Variants in EPB41L3 observed in about 807,000 individuals in gnomAD.
EPB41L3 encodes the protein band 4.1-like protein 3.
EPB41L3 carries 57 observed loss-of-function variants against 127.1 expected under a neutral mutation model. That is an observed-to-expected ratio of 0.45 (90% CI 0.36 to 0.56). EPB41L3 has a LOEUF of 0.56. Ranked by LOEUF, EPB41L3 falls within the 20% of genes least tolerant of loss-of-function variation. EPB41L3 has a pLI of 0.00. For synonymous variants in EPB41L3, 572 were observed against 549.5 expected, an observed-to-expected ratio of 1.04 and a Z score of -0.57; for missense variants, 1,273 against 1,372.2, an observed-to-expected ratio of 0.93 and a Z score of 1.14.
intron 16 of EPB41L3, chr18:5,398,624 G>A (rs1359776340): frequency 5.0e-6 from 2 of 402,014 alleles, no homozygotes; most frequent in Admixed American, 4.3e-5. Context: ...ATTGCAAACT[G>A]TGGCCCCAAT....
chr18:5,470,855 T>TA (rs1158349785), intron 3 of EPB41L3, among the ~76,000 whole-genome samples: 2 of 152,172 alleles, frequency 1.3e-5, no homozygotes, highest in Non-Finnish European at 2.9e-5. Context: ...GGGCACCAGA[T>TA]AAACCTGTGC....
chr18:5,568,894 A>G (rs2094242523), intron 3 of EPB41L3, among the ~76,000 whole-genome samples: 1 of 152,220 alleles, frequency 6.6e-6, no homozygotes, highest in African/African-American at 2.4e-5. Flanking sequence ...AAAAAGCTCA[A>G]GCTGAATAAT....
At position 5,481,518 on chromosome 18, in the gene EPB41L3, G is replaced by A. The variant is rs77291283; in HGVS notation, c.184-3080C>T. On this transcript the variant is annotated intron_variant, in intron 2 of 22. Transcript: ENST00000341928. ...CCAACCAGCTTTCCCACCTTCCTGG[G>A]ATTCCCTGCAGGAGACCTGCCCTTG... 7.0e-3 allele frequency among the ~76,000 whole-genome samples: 1,062 copies of A among 152,326 alleles called. 5 individuals are homozygous for A. The highest frequency in any genetic ancestry group is 0.012 in the Non-Finnish European group (811 of 68,042).
At chr18:5,462,404 T>C (rs2084175398) in intron 3 of EPB41L3, among the ~76,000 whole-genome samples, 1 of 152,240 alleles carries the variant, frequency 6.6e-6, no homozygotes, top group African/African-American at 2.4e-5. Flanking sequence ...CAATTATTTC[T>C]CCACAATGGT....
chr18:5,623,979 G>T (rs1226262938), intron 1 of EPB41L3, among the ~76,000 whole-genome samples: 1 of 151,998 alleles, frequency 6.6e-6, no homozygotes, highest in Non-Finnish European at 1.5e-5. Context: ...GAGACCATAA[G>T]AAATTGAATC....
At chr18:5,594,801 A>G (rs1282571795) in intron 3 of EPB41L3, among the ~76,000 whole-genome samples, 1 of 152,200 alleles carries the variant, frequency 6.6e-6, no homozygotes, top group Non-Finnish European at 1.5e-5. Context: ...ACACAGCCCT[A>G]TTTCTTCTGG....
chr18:5,405,521 T>C (rs965623213), intron 16 of EPB41L3, among the ~76,000 whole-genome samples: 3 of 151,956 alleles, frequency 2.0e-5, no homozygotes, highest in Non-Finnish European at 4.4e-5. Context: ...TCAGAGTCTT[T>C]GGTTGTACAT....
chr18:5,457,734 G>A (rs2083332322), intron 3 of EPB41L3, among the ~76,000 whole-genome samples: 1 of 152,050 alleles, frequency 6.6e-6, no homozygotes. Context: ...CTCGCTCCCT[G>A]TGAGGCTCTC....
intron 3 of EPB41L3, among the ~76,000 whole-genome samples, chr18:5,470,620 G>T (rs2085946693): frequency 6.6e-6 from 1 of 152,224 alleles, no homozygotes. Flanking sequence ...ATGTGAGATT[G>T]CCTCTGCCAT....
At position 5,449,511 on chromosome 18, in the gene EPB41L3, CA is replaced by C. The variant is rs374420990; in HGVS notation, c.382-4268del. On this transcript the variant is annotated intron_variant, in intron 3 of 22. Transcript: ENST00000341928. ...AATGAGTTGAAAACGTATGTCCACT[CA>C]AAAACTTGCACACAAATGTTTATAA... Among the ~76,000 whole-genome samples the C allele has an allele frequency of 1.9e-3, 282 of 152,258 alleles. 2 individuals carry two copies. The highest frequency in any genetic ancestry group is 6.5e-3 in the African/African-American group (270 of 41,548).
intron 1 of EPB41L3, among the ~76,000 whole-genome samples, chr18:5,538,369 G>T (rs912990068): frequency 1.3e-5 from 2 of 152,146 alleles, no homozygotes; most frequent in Non-Finnish European, 2.9e-5. Flanking sequence ...TCCAATTTTT[G>T]ATGCATATTC....
chr18:5,435,386 G>A (rs1360546405), intron 6 of EPB41L3, among the ~76,000 whole-genome samples: 4 of 152,082 alleles, frequency 2.6e-5, no homozygotes, highest in African/African-American at 7.2e-5. Context: ...TCCTGCACGC[G>A]CCATTCATGG....
intron 3 of EPB41L3, among the ~76,000 whole-genome samples, chr18:5,592,387 G>A (rs983017696): frequency 2.6e-5 from 4 of 152,114 alleles, no homozygotes; most frequent in Non-Finnish European, 4.4e-5. Flanking sequence ...GGCTGGTTTC[G>A]AACTCCTGAC....
intron 3 of EPB41L3, chr18:5,570,306 A>G (rs2094260895): frequency 6.6e-6 from 1 of 152,182 alleles, no homozygotes; most frequent in African/African-American, 2.4e-5. Flanking sequence ...ATGCTGTAAC[A>G]CAAGGGCTTT....
At chr18:5,549,694 G>A (rs1189868116) in intron 3 of EPB41L3, among the ~76,000 whole-genome samples, 1 of 152,064 alleles carries the variant, frequency 6.6e-6, no homozygotes, top group Non-Finnish European at 1.5e-5. Flanking sequence ...TCTGGGGTGG[G>A]GTCCAGGGAG....
chr18:5,400,597 T>C (rs2074343930), intron 16 of EPB41L3: 1 of 461,344 alleles, frequency 2.2e-6, no homozygotes, highest in Non-Finnish European at 4.3e-6. Context: ...CACACTTGGC[T>C]AGTGGGGAAA....
intron 3 of EPB41L3, among the ~76,000 whole-genome samples, chr18:5,578,395 C>CA (rs1418452032): frequency 6.6e-6 from 1 of 152,182 alleles, no homozygotes; most frequent in East Asian, 1.9e-4. Flanking sequence ...TTCTTTAATG[C>CA]ATGATGCCTC....
intron 1 of EPB41L3, among the ~76,000 whole-genome samples, chr18:5,534,411 T>A (rs1486325666): frequency 6.6e-6 from 1 of 152,186 alleles, no homozygotes; most frequent in Non-Finnish European, 1.5e-5. Flanking sequence ...CCAAAGTACT[T>A]GTCGGGACAT....
At chr18:5,414,202 G>A (rs1255570041) in intron 13 of EPB41L3, among the ~76,000 whole-genome samples, 1 of 152,080 alleles carries the variant, frequency 6.6e-6, no homozygotes, top group African/African-American at 2.4e-5. Flanking sequence ...ATATGTTCTA[G>A]TCCAACACTA....
Sources: gnomAD v4.1 joint callset for allele counts (sites outside exome capture counted in the v4.1 genomes callset) on GRCh38, gnomAD v4.1.1 for gene constraint, MANE v1.5 for transcripts, NCBI Gene and HGNC (gene_info 2026-07-23, HGNC 2026-07-21) for gene names.